The following RAB33A variants were observed in gnomAD, a reference collection of about 807,000 sequenced individuals.
The protein encoded by RAB33A is ras-related protein Rab-33A.
RAB33A carries 6 observed loss-of-function variants against 12.0 expected under a neutral mutation model. That is an observed-to-expected ratio of 0.50 (90% CI 0.27 to 0.99). The LOEUF (loss-of-function observed/expected upper bound fraction) is 0.99. Among genes scored for constraint, RAB33A ranks in the 50% least tolerant of loss-of-function variants. The pLI is 0.11. For missense variants in RAB33A, 109 were observed against 192.0 expected (o/e 0.57, Z 2.55); for synonymous variants, 70 against 82.4 (o/e 0.85, Z 0.81).
chrX:130,130,065 C>T, the RAB33A span: 1 of 1,211,825 alleles, frequency 8.3e-7, no homozygotes. Context: ...TTGCCGTAGT[C>T]CTCCCCCTGG....
upstream of RAB33A, among the ~76,000 whole-genome samples, chrX:130,171,100 G>C (rs28503296): frequency 8.9e-6 from 1 of 112,892 alleles, no homozygotes; most frequent in African/African-American, 3.2e-5. Context: ...CCTGGTACGC[G>C]CCCCCCTACA....
upstream of RAB33A, among the ~76,000 whole-genome samples, chrX:130,168,805 G>A (rs188597810): frequency 9.0e-5 from 10 of 110,937 alleles, no homozygotes; most frequent in African/African-American, 2.6e-4. Context: ...GAGCTCCTTT[G>A]GATAAATATT....
chrX:130,143,223 T>C, the RAB33A span, among the ~76,000 whole-genome samples: 1 of 111,922 alleles, frequency 8.9e-6, no homozygotes, highest in Non-Finnish European at 1.9e-5. Context: ...ATGCAGATGA[T>C]TCTCAGCTCT....
At chrX:130,164,708 T>C in the RAB33A span, among the ~76,000 whole-genome samples, 1 of 111,822 alleles carries the variant, frequency 8.9e-6, no homozygotes, top group African/African-American at 3.3e-5. Flanking sequence ...TCTTAACTTT[T>C]TGAGGTCAAC....
chrX:130,120,953 C>T, the RAB33A span, among the ~76,000 whole-genome samples: 1 of 113,043 alleles, frequency 8.8e-6, no homozygotes, highest in African/African-American at 3.2e-5. Flanking sequence ...ATCGGCTCCT[C>T]TGCCCCCAGC....
the RAB33A span, among the ~76,000 whole-genome samples, chrX:130,157,794 G>A: frequency 9.3e-6 from 1 of 107,991 alleles, no homozygotes; most frequent in Non-Finnish European, 1.9e-5. Context: ...GTGAAACCCC[G>A]TTAAAAATTA....
At chrX:130,157,808 G>A in the RAB33A span, among the ~76,000 whole-genome samples, 1 of 109,337 alleles carries the variant, frequency 9.1e-6, no homozygotes, top group Admixed American at 9.8e-5. Context: ...AAAATTAGCT[G>A]GGCAGGTGTG....
chrX:130,152,018 G>A, the RAB33A span, among the ~76,000 whole-genome samples: 3 of 108,770 alleles, frequency 2.8e-5, no homozygotes, highest in East Asian at 2.8e-4. Context: ...CAGCCTGGGC[G>A]ACAGAGCGAG....
chrX:130,131,458 A>C, the RAB33A span, among the ~76,000 whole-genome samples: 1 of 112,444 alleles, frequency 8.9e-6, no homozygotes, highest in African/African-American at 3.2e-5. Context: ...ACAGATACCC[A>C]CAATATTTGA....
chrX:130,129,330 C>T, the RAB33A span: 1 of 428,157 alleles, frequency 2.3e-6, no homozygotes, highest in Non-Finnish European at 4.1e-6. Context: ...TTTCCACCTT[C>T]ACCCACCTGC....
intron 1 of RAB33A, among the ~76,000 whole-genome samples, chrX:130,182,904 A>T (rs1381428924): frequency 9.0e-6 from 1 of 110,522 alleles, no homozygotes; most frequent in Non-Finnish European, 1.9e-5. Flanking sequence ...ATATATTTTC[A>T]TTTTTGTTTA....
the RAB33A span, chrX:130,136,303 T>G: frequency 6.0e-6 from 5 of 826,701 alleles, no homozygotes; most frequent in Middle Eastern, 4.3e-4. Flanking sequence ...TGGGTTAACT[T>G]ACCTCTGATA....
At chrX:130,173,848 C>G (rs573521850) in intron 1 of RAB33A, among the ~76,000 whole-genome samples, 17 of 111,939 alleles carry the variant, frequency 1.5e-4, no homozygotes, top group South Asian at 7.4e-4. Flanking sequence ...ACTTTGTAAT[C>G]CAAAGTAGAA....
intron 1 of RAB33A, among the ~76,000 whole-genome samples, chrX:130,173,636 A>G (rs1280843257): frequency 8.9e-6 from 1 of 112,184 alleles, no homozygotes; most frequent in Non-Finnish European, 1.9e-5. Flanking sequence ...CAGGGTAGGA[A>G]GATAGAACAT....
At chrX:130,137,013 C>T in the RAB33A span, 10 of 1,209,865 alleles carry the variant, frequency 8.3e-6, no homozygotes, top group South Asian at 7.0e-5. Flanking sequence ...CCTATAGAAG[C>T]GAAGTTTGCC....
chrX:130,163,304 C>CAA, the RAB33A span, among the ~76,000 whole-genome samples: 17 of 66,812 alleles, frequency 2.5e-4, no homozygotes, highest in African/African-American at 7.0e-4. Context: ...GACTCCGCCT[C>CAA]AAAAAAAAAA....
the RAB33A span, chrX:130,147,817 T>C: frequency 2.5e-6 from 3 of 1,210,357 alleles, no homozygotes; most frequent in Non-Finnish European, 3.4e-6. Context: ...CCTCCACCAA[T>C]TAGCAGGAAA....
At chrX:130,145,449 C>A in the RAB33A span, 1 of 1,114,940 alleles carries the variant, frequency 9.0e-7, no homozygotes, top group Non-Finnish European at 1.2e-6. Context: ...GTACGTAGAG[C>A]CTGACAAAAG....
chrX:130,153,604 G>C, the RAB33A span, among the ~76,000 whole-genome samples: 6 of 111,274 alleles, frequency 5.4e-5, no homozygotes, highest in Admixed American at 1.9e-4. Flanking sequence ...GCATTGGGGA[G>C]GTGATAATGA....
Sources: gnomAD v4.1 joint callset for allele counts (sites outside exome capture counted in the v4.1 genomes callset) on GRCh38, gnomAD v4.1.1 for gene constraint, MANE v1.5 for transcripts, NCBI Gene and HGNC (gene_info 2026-07-23, HGNC 2026-07-21) for gene names.